The following FBXW4 variants were observed in gnomAD, a reference collection of about 807,000 sequenced individuals.
FBXW4 encodes F-box/WD repeat-containing protein 4.
FBXW4 carries 40 observed loss-of-function variants against 61.8 expected under a neutral mutation model. The observed-to-expected ratio is 0.65, with a 90% CI of 0.50 to 0.84. The LOEUF is 0.84. Among genes scored for constraint, FBXW4 ranks in the 40% least tolerant of loss-of-function variants. FBXW4 has a pLI of 0.00. For missense variants in FBXW4, 672 were observed against 753.8 expected, an observed-to-expected ratio of 0.89 and a Z score of 1.27; for synonymous variants, 311 against 313.8, an observed-to-expected ratio of 0.99 and a Z score of 0.10.
chr10:101,651,624 T>A (rs2134860878), intron 5 of FBXW4, among the ~76,000 whole-genome samples: 1 of 152,154 alleles, frequency 6.6e-6, no homozygotes, highest in Non-Finnish European at 1.5e-5. Flanking sequence ...CCTCCCTCTA[T>A]AAGGGCTCCC....
In FBXW4 at chr10:101,676,442, T is replaced by C; in HGVS notation, c.726-6A>G. On this transcript the variant is annotated splice_region_variant and splice_polypyrimidine_tract_variant and intron_variant, in intron 1 of 8. Coordinates refer to ENST00000331272, the MANE Select transcript of FBXW4 (RefSeq NM_022039.4). ...TCACTGGGACACTGGTCATCCTATG[T>C]CCAGACAGAACAGATAATCCAATCA... is the stretch of plus-strand genomic sequence containing the variant. 2 of 1,609,196 alleles carry C rather than the reference T, an allele frequency of 1.2e-6. No homozygotes were observed. Among genetic ancestry groups the C allele is most frequent in the Non-Finnish European group, 1.7e-6 (2 of 1,176,506 alleles).
chr10:101,619,982 G>C (rs2063855723), intron 6 of FBXW4, among the ~76,000 whole-genome samples: 1 of 152,168 alleles, frequency 6.6e-6, no homozygotes, highest in Non-Finnish European at 1.5e-5. Context: ...CCAGTGGGTG[G>C]CTACAGCTTT....
At chr10:101,657,527 G>A (rs1158152571) in intron 5 of FBXW4, among the ~76,000 whole-genome samples, 5 of 151,878 alleles carry the variant, frequency 3.3e-5, no homozygotes, top group Admixed American at 1.3e-4. Flanking sequence ...CCAGCTACTT[G>A]GGGGGCTGAG....
intron 5 of FBXW4, among the ~76,000 whole-genome samples, chr10:101,631,169 C>A (rs968864863): frequency 2.6e-5 from 4 of 152,188 alleles, no homozygotes; most frequent in African/African-American, 9.7e-5. Flanking sequence ...CAGCAACTGG[C>A]ATACCATTAC....
chr10:101,677,590 G>T (rs535535464), intron 1 of FBXW4, among the ~76,000 whole-genome samples: 7 of 152,176 alleles, frequency 4.6e-5, no homozygotes, highest in Admixed American at 4.6e-4. Context: ...GTCTTGAGGG[G>T]GTTTGGGTTA....
chr10:101,667,383 TAC>T (rs556489203), intron 5 of FBXW4, among the ~76,000 whole-genome samples: 51 of 152,346 alleles, frequency 3.3e-4, no homozygotes, highest in Middle Eastern at 3.4e-3. Context: ...CTACTTCACA[TAC>T]ATGTCTTTGT....
At chr10:101,663,015 AT>A (rs1362550814) in intron 5 of FBXW4, among the ~76,000 whole-genome samples, 2 of 152,188 alleles carry the variant, frequency 1.3e-5, no homozygotes, top group Admixed American at 1.3e-4. Flanking sequence ...ACCATCCAAG[AT>A]GCTGGTGAAT....
In FBXW4 at chr10:101,611,872, T is replaced by A; in HGVS notation, c.1443-103A>T. 1 of 1,343,820 alleles carries A rather than the reference T, an allele frequency of 7.4e-7. No individual in the cohort carries two copies. Among genetic ancestry groups the A allele is most frequent in the Non-Finnish European group, 1.0e-6 (1 of 1,002,224 alleles). The allele number at this position is 1,343,820 out of a possible 1,614,324, so 83.2% of individuals were successfully genotyped here. Reference sequence around the variant, plus strand: ...GCTGAGGGGAGCGTTAAGGAGCCATTCCGGGATGGAAGAGAAAGAAGCCTA... The same window carrying A: ...GCTGAGGGGAGCGTTAAGGAGCCATACCGGGATGGAAGAGAAAGAAGCCTA... On this transcript the variant is annotated intron_variant, in intron 7 of 8. Coordinates refer to ENST00000331272, the MANE Select transcript of FBXW4 (RefSeq NM_022039.4). The surrounding 1 kb of genome is among the most constrained non-coding windows in gnomAD (Gnocchi z 4.9).
intron 5 of FBXW4, among the ~76,000 whole-genome samples, chr10:101,633,131 C>T (rs971345579): frequency 6.6e-6 from 1 of 152,122 alleles, no homozygotes; most frequent in African/African-American, 2.4e-5. Flanking sequence ...AGTAATAGTA[C>T]CTAGGCATTG....
chr10:101,682,939 T>C (rs12763164), intron 1 of FBXW4, among the ~76,000 whole-genome samples: 1 of 152,222 alleles, frequency 6.6e-6, no homozygotes, highest in Non-Finnish European at 1.5e-5. Flanking sequence ...TCTAACCATC[T>C]TGGATGGTTA....
chr10:101,611,172 G>C lies in FBXW4; in HGVS notation c.*119C>G. ...CTAGTGCAAGGTGCCTGAGCACTGG[G>C]GTCACAGGCCCAGGAGCACAGTGGG... On this transcript the variant is annotated 3_prime_UTR_variant, in exon 9 of 9. Coordinates refer to ENST00000331272, the MANE Select transcript of FBXW4 (RefSeq NM_022039.4). The surrounding 1 kb of genome is among the most constrained non-coding windows in gnomAD (Gnocchi z 4.9). 7.4e-7 allele frequency: 1 copy of C among 1,350,328 alleles called. No homozygotes were observed. Among genetic ancestry groups the C allele is most frequent in the Non-Finnish European group, 1.0e-6 (1 of 987,022 alleles). 83.6% of individuals were successfully genotyped at this position (1,350,328 alleles called of 1,614,324 possible). A position where few individuals can be genotyped will look rare whatever the true frequency, so the allele number is the denominator to read the frequency against.
chr10:101,681,393 A>AT (rs2064473410), intron 1 of FBXW4, among the ~76,000 whole-genome samples: 5 of 129,896 alleles, frequency 3.8e-5, no homozygotes, highest in African/African-American at 1.2e-4. Flanking sequence ...CGTCTCAAAA[A>AT]AAAAAAATAA....
At chr10:101,673,754 A>C (rs1376115977) in intron 2 of FBXW4, 81 bp from the exon 3 acceptor site, 1 of 1,337,312 alleles carries the variant, frequency 7.5e-7, no homozygotes, top group Non-Finnish European at 1.0e-6. Flanking sequence ...GAAGCTGACC[A>C]ATCCCCAACT....
intron 3 of FBXW4, 47 bp from the exon 4 acceptor site, chr10:101,673,094 C>A: frequency 6.3e-7 from 1 of 1,593,066 alleles, no homozygotes. Flanking sequence ...ATTATTCTTT[C>A]TGTAGAAAGA....
At chr10:101,619,345 A>G (rs1201494818) in intron 6 of FBXW4, among the ~76,000 whole-genome samples, 1 of 152,166 alleles carries the variant, frequency 6.6e-6, no homozygotes, top group African/African-American at 2.4e-5. Flanking sequence ...ACCCCATGGT[A>G]CCCAGTTCCA....
At chr10:101,640,476 TTCTTTC>T (rs1364637526) in intron 5 of FBXW4, among the ~76,000 whole-genome samples, 9 of 137,078 alleles carry the variant, frequency 6.6e-5, no homozygotes, top group African/African-American at 2.1e-4. Context: ...TTTTCTTTCT[TTCTTTC>T]TCTTTTTTTT....
At chr10:101,690,347 T>C (rs1213003435) in intron 1 of FBXW4, among the ~76,000 whole-genome samples, 1 of 152,222 alleles carries the variant, frequency 6.6e-6, no homozygotes, top group Non-Finnish European at 1.5e-5. Context: ...ATATGAAACA[T>C]TTCTTTGATT....
chr10:101,640,658 A>ATTTT (rs200557925), intron 5 of FBXW4, among the ~76,000 whole-genome samples: 1 of 133,044 alleles, frequency 7.5e-6, no homozygotes, highest in African/African-American at 2.8e-5. Flanking sequence ...TCCCCAGCTA[A>ATTTT]TTTTTTTTTT....
At chr10:101,645,814 C>T (rs573920122) in intron 5 of FBXW4, among the ~76,000 whole-genome samples, 1 of 152,260 alleles carries the variant, frequency 6.6e-6, no homozygotes, top group African/African-American at 2.4e-5. Flanking sequence ...CAGCACAGGA[C>T]AGGCAAGCAG....
Sources: gnomAD v4.1 joint callset for allele counts (sites outside exome capture counted in the v4.1 genomes callset) on GRCh38, gnomAD v4.1.1 for gene constraint, Gnocchi (gnomAD v3.1) non-coding constraint, MANE v1.5 for transcripts, NCBI Gene and HGNC (gene_info 2026-07-23, HGNC 2026-07-21) for gene names.